The following TMPRSS11A variants were observed in gnomAD, a reference collection of about 807,000 sequenced individuals.
TMPRSS11A encodes transmembrane protease serine 11A.
TMPRSS11A carries 53 observed loss-of-function variants against 58.9 expected under a neutral mutation model. The observed-to-expected ratio is 0.90, with a 90% CI of 0.72 to 1.13. TMPRSS11A has a LOEUF of 1.13. Ranked by LOEUF, TMPRSS11A falls within the 50% of genes most tolerant of loss-of-function variation. The probability of loss-of-function intolerance (pLI) is 0.00; values close to 1 mark genes in which losing one functional copy is unlikely to be tolerated. For synonymous variants in TMPRSS11A, 167 were observed against 169.8 expected (o/e 0.98, Z 0.13); for missense variants, 493 against 499.3 (o/e 0.99, Z 0.12).
chr4:67,939,831 G>A (rs1720838455), intron 3 of TMPRSS11A, among the ~76,000 whole-genome samples: 1 of 152,070 alleles, frequency 6.6e-6, no homozygotes, highest in Admixed American at 6.6e-5. Context: ...TGGGATTACA[G>A]GCACCTGCCA....
rs540703879 is a variant in TMPRSS11A at position 67,923,508 on chromosome 4, T to A, written c.521-582A>T. Among the ~76,000 whole-genome samples the A allele has an allele frequency of 6.6e-5, 10 of 152,212 alleles. No homozygotes were observed. The East Asian group carries it at 1.9e-3, about 29-fold the overall frequency. Reference sequence around the variant, plus strand: ...GATTAAGATGAATCTATTAAGCATATTTTTTTCTTCTTTTTTGAGATGGAG... The same window carrying A: ...GATTAAGATGAATCTATTAAGCATAATTTTTTCTTCTTTTTTGAGATGGAG... On this transcript the variant is annotated intron_variant, in intron 6 of 9. Transcript: ENST00000508048.
intron 7 of TMPRSS11A, among the ~76,000 whole-genome samples, chr4:67,919,537 T>C (rs1027033635): frequency 5.9e-5 from 9 of 152,192 alleles, no homozygotes. Flanking sequence ...CTGAGCCTTA[T>C]CTGAACTGCT....
intron 1 of TMPRSS11A, among the ~76,000 whole-genome samples, chr4:67,956,085 A>C (rs972987536): frequency 1.3e-5 from 2 of 152,134 alleles, no homozygotes; most frequent in Non-Finnish European, 2.9e-5. Flanking sequence ...TCTTCCCTGT[A>C]AATTGGTGAT....
intron 3 of TMPRSS11A, among the ~76,000 whole-genome samples, chr4:67,933,369 C>T (rs1404524705): frequency 6.6e-6 from 1 of 152,182 alleles, no homozygotes; most frequent in Non-Finnish European, 1.5e-5. Context: ...AGTCTTCTAT[C>T]TGTAGGGTCC....
chr4:67,918,888 G>T, intron 8 of TMPRSS11A, 85 bp downstream of exon 8: 1 of 1,467,634 alleles, frequency 6.8e-7, no homozygotes, highest in Non-Finnish European at 9.4e-7. Context: ...GTGTGGAAAT[G>T]GCTGTCAGGA....
intron 2 of TMPRSS11A, 89 bp from the exon 3 acceptor site, chr4:67,944,726 A>G (rs1316971121): frequency 1.9e-6 from 2 of 1,058,650 alleles, no homozygotes; most frequent in Admixed American, 4.8e-5. Flanking sequence ...AATCTTGAAT[A>G]TGTCCCTGAG....
intron 9 of TMPRSS11A, among the ~76,000 whole-genome samples, chr4:67,912,890 ACT>A (rs1402772032): frequency 1.3e-5 from 2 of 149,744 alleles, no homozygotes; most frequent in African/African-American, 4.9e-5. Flanking sequence ...TATATTGTAC[ACT>A]CGCGTTTTAT....
Position 67,928,325 on chromosome 4 carries a change from C to T in TMPRSS11A, c.481+1555G>A, listed in dbSNP as rs560030771. Among the ~76,000 whole-genome samples, 4 of 152,320 alleles carry T rather than the reference C, an allele frequency of 2.6e-5. No homozygotes were observed. The South Asian group carries it at 8.3e-4, about 32-fold the overall frequency. On this transcript the variant is annotated intron_variant, in intron 5 of 9. Transcript: ENST00000508048. ...CCTCCCAAAGTGCTGGAATTATAGGCTTGAGCCACCATGCCCAGCCTCAGG... is the reference window on the plus strand; with the variant it reads ...CCTCCCAAAGTGCTGGAATTATAGGTTTGAGCCACCATGCCCAGCCTCAGG...
Position 67,932,083 on chromosome 4 carries a change from C to T in TMPRSS11A, c.253-23G>A, listed in dbSNP as rs1445612944. ...CACCTGTTACACAACAAGAGAGAAA[C>T]TATGTGTTAATAATATATTTTATAA... On this transcript the variant is annotated intron_variant, in intron 3 of 9. Coordinates refer to ENST00000508048, the MANE Select transcript of TMPRSS11A (RefSeq NM_001114387.2). 8 of 1,352,250 alleles carry T rather than the reference C, an allele frequency of 5.9e-6. No individual in the cohort carries two copies. The South Asian group carries it at 7.2e-5, about 12-fold the overall frequency. 83.8% of individuals were successfully genotyped at this position (1,352,250 alleles called of 1,614,324 possible).
At chr4:67,948,826 A>G (rs1435164679) in intron 1 of TMPRSS11A, among the ~76,000 whole-genome samples, 1 of 152,212 alleles carries the variant, frequency 6.6e-6, no homozygotes, top group African/African-American at 2.4e-5. Context: ...ATTACTTTCC[A>G]TATGAGAAAA....
At chr4:67,948,147 C>CTTTTTTTTTTTTTTTTTTTTTTTTTTTT (rs10577639) in intron 1 of TMPRSS11A, among the ~76,000 whole-genome samples, 1 of 98,302 alleles carries the variant, frequency 1.0e-5, no homozygotes, top group African/African-American at 4.1e-5. Flanking sequence ...CAGTTTTTTT[C>CTTTTTTTTTTTTTTTTTTTTTTTTTTTT]TTTTTTTTTT....
chr4:67,911,931 G>A (rs573220625), intron 9 of TMPRSS11A, among the ~76,000 whole-genome samples: 2 of 152,014 alleles, frequency 1.3e-5, no homozygotes, highest in Admixed American at 6.6e-5. Flanking sequence ...TTTCTCTTAC[G>A]TAGTTAGGGA....
At chr4:67,933,119 A>G (rs1340536004) in intron 3 of TMPRSS11A, among the ~76,000 whole-genome samples, 2 of 152,118 alleles carry the variant, frequency 1.3e-5, no homozygotes, top group Non-Finnish European at 2.9e-5. Context: ...ACACACACAC[A>G]CACACACACA....
chr4:67,953,022 CCT>C (rs1185338118), intron 1 of TMPRSS11A, among the ~76,000 whole-genome samples: 1 of 152,126 alleles, frequency 6.6e-6, no homozygotes, highest in Admixed American at 6.5e-5. Context: ...AATTGTTCCA[CCT>C]CAGATCATCA....
chr4:67,960,864 C>T (rs73823393), intron 1 of TMPRSS11A, among the ~76,000 whole-genome samples: 12,902 of 152,110 alleles, frequency 0.085, 846 homozygotes, highest in African/African-American at 0.18. Context: ...ATTTATTAAA[C>T]AATGCTGAAA....
At chr4:67,913,598 T>C (rs1347318212) in intron 9 of TMPRSS11A, among the ~76,000 whole-genome samples, 1 of 152,196 alleles carries the variant, frequency 6.6e-6, no homozygotes, top group Admixed American at 6.5e-5. Context: ...CGGTCCTGTC[T>C]GCTCCAAGAC....
chr4:67,929,695 G>C (rs1720561179), intron 5 of TMPRSS11A, among the ~76,000 whole-genome samples, 185 bp downstream of exon 5: 1 of 152,202 alleles, frequency 6.6e-6, no homozygotes, highest in African/African-American at 2.4e-5. Flanking sequence ...ACCACTGGAT[G>C]ACTAACTTCA....
chr4:67,941,948 G>GATA (rs1720891562), intron 3 of TMPRSS11A, among the ~76,000 whole-genome samples: 1 of 152,122 alleles, frequency 6.6e-6, no homozygotes, highest in African/African-American at 2.4e-5. Flanking sequence ...AGACAGAATG[G>GATA]ATAAGCGCAG....
At chr4:67,954,509 C>T (rs1721237782) in intron 1 of TMPRSS11A, among the ~76,000 whole-genome samples, 1 of 152,218 alleles carries the variant, frequency 6.6e-6, no homozygotes, top group Admixed American at 6.5e-5. Flanking sequence ...AAAGGTCCCT[C>T]TCTAGCTGTA....
Sources: allele counts gnomAD v4.1 joint callset (sites outside exome capture counted in the v4.1 genomes callset), GRCh38; gene constraint gnomAD v4.1.1; transcripts MANE v1.5; gene names NCBI Gene and HGNC (gene_info 2026-07-23, HGNC 2026-07-21).